The following TDRD12 variants were observed in gnomAD, a reference collection of about 807,000 sequenced individuals.
TDRD12 encodes tudor domain containing 12.
In TDRD12, 158 loss-of-function variants were observed where a neutral mutation model predicts 133.5. The ratio of observed to expected loss-of-function variants is 1.18; its 90% CI spans 1.04 to 1.35. TDRD12 has a LOEUF of 1.35. TDRD12 is among the 40% of genes most tolerant of loss of function. The probability of loss-of-function intolerance (pLI) is 0.00; values close to 1 mark genes in which losing one functional copy is unlikely to be tolerated. For synonymous variants in TDRD12, 460 were observed against 477.9 expected (o/e 0.96, Z 0.49); for missense variants, 1,443 against 1,321.3 (o/e 1.09, Z -1.43).
intron 21 of TDRD12, 33 bp downstream of exon 21, chr19:32,803,175 T>A (rs1375231565): frequency 4.9e-6 from 7 of 1,426,452 alleles, no homozygotes; most frequent in Admixed American, 2.3e-5. Flanking sequence ...ATTAAACTGA[T>A]GTATAACCTG....
intron 11 of TDRD12, among the ~76,000 whole-genome samples, chr19:32,786,631 C>CT (rs1970915172): frequency 1.3e-5 from 2 of 152,128 alleles, no homozygotes; most frequent in East Asian, 1.9e-4. Context: ...TCTTTTTACT[C>CT]TTTTTTCTCT....
chr19:32,758,938 A>G (rs763209680), intron 8 of TDRD12, among the ~76,000 whole-genome samples: 1 of 152,040 alleles, frequency 6.6e-6, no homozygotes, highest in African/African-American at 2.4e-5. Context: ...TGTCTCAGAA[A>G]ACAAAATAAA....
chr19:32,748,473 CAGA>C lies in TDRD12; in HGVS notation c.441-2_441del. 2.6e-6 allele frequency: 4 copies of C among 1,551,476 alleles called. No individual in the cohort carries two copies. The highest frequency in any genetic ancestry group is 3.5e-6 in the Non-Finnish European group (4 of 1,146,822). On this transcript the variant is annotated splice_acceptor_variant and coding_sequence_variant, in exon 5 of 28. Coordinates refer to ENST00000444215, the Ensembl canonical transcript of TDRD12. LOFTEE classifies it high-confidence loss of function. ...ATGGAGTTGCATCTGTTCACTGTTC[CAGA>C]CCTGCCAAGAAGTGGGACAATGCAG...
chr19:32,814,242 G>A (rs1211594509), intron 25 of TDRD12, among the ~76,000 whole-genome samples: 1 of 152,088 alleles, frequency 6.6e-6, no homozygotes, highest in African/African-American at 2.4e-5. Context: ...GGGGAGGGGA[G>A]GACACATGAC....
At chr19:32,798,837 A>AT (rs1435635682) in intron 16 of TDRD12, among the ~76,000 whole-genome samples, 13 of 152,218 alleles carry the variant, frequency 8.5e-5, no homozygotes, top group Admixed American at 5.2e-4. Context: ...TTGTAGATAC[A>AT]TATAGTTAAT....
At chr19:32,827,034 A>T (rs1221752879) in intron 9 of TDRD12, 130 bp from the exon 33 acceptor site, 1 of 450,306 alleles carries the variant, frequency 2.2e-6, no homozygotes, top group African/African-American at 2.0e-5. Context: ...CTTACCTAAA[A>T]TAATGAAAAT....
At chr19:32,739,414 C>G (rs1599841030) in intron 3 of TDRD12, among the ~76,000 whole-genome samples, 1 of 80,466 alleles carries the variant, frequency 1.2e-5, no homozygotes. Flanking sequence ...CTGGGGTTCT[C>G]TCTCTATCAC....
rs181981400 is a variant in TDRD12 at position 32,734,184 on chromosome 19, C to T, written c.183+2301C>T. On this transcript the variant is annotated intron_variant, in intron 2 of 27. Transcript: ENST00000444215. The stretch of plus-strand genomic sequence containing the variant: ...TGCTGGGATTACAGGCGTGAGCCAC[C>T]GCGCCTGGCCTTTTTAAAAATTTTT... Among the ~76,000 whole-genome samples, 472 of 151,764 alleles carry T rather than the reference C, an allele frequency of 3.1e-3. 3 individuals carry two copies. Among genetic ancestry groups the T allele is most frequent in the African/African-American group, 0.011 (435 of 41,424 alleles).
chr19:32,789,879 G>A (rs1352818552), intron 11 of TDRD12, among the ~76,000 whole-genome samples: 5 of 152,124 alleles, frequency 3.3e-5, no homozygotes, highest in Admixed American at 2.0e-4. Context: ...GTGGATGCCT[G>A]TAGTCCCAGC....
chr19:32,810,865 C>G (rs1049848323), intron 23 of TDRD12, among the ~76,000 whole-genome samples: 1 of 151,824 alleles, frequency 6.6e-6, no homozygotes, highest in Admixed American at 6.6e-5. Context: ...GCACTCCAGC[C>G]GGGGCCACAG....
intron 2 of TDRD12, among the ~76,000 whole-genome samples, chr19:32,734,325 G>A (rs554489995): frequency 1.3e-5 from 2 of 151,892 alleles, no homozygotes; most frequent in African/African-American, 4.8e-5. Flanking sequence ...TTTTGGTGTC[G>A]AGAGGGTGGT....
chr19:32,732,080 C>T (rs913576284), intron 2 of TDRD12, among the ~76,000 whole-genome samples, 197 bp downstream of exon 2: 3 of 152,032 alleles, frequency 2.0e-5, no homozygotes, highest in East Asian at 3.9e-4. Context: ...CTGGGCTCAC[C>T]GCAACCTCCG....
chr19:32,802,915 T>C lies in TDRD12; in HGVS notation c.2332-7T>C. ...ATCCACTTCCTTTATTCACCCCCAA[T>C]TTTCAGGGTTCTCCTGCAGAACAGG... On this transcript the variant is annotated splice_region_variant and splice_polypyrimidine_tract_variant and intron_variant, in intron 20 of 27. Coordinates refer to ENST00000444215, the Ensembl canonical transcript of TDRD12. 1 of 1,532,772 alleles carries C rather than the reference T, an allele frequency of 6.5e-7. No homozygotes were observed. Among genetic ancestry groups the C allele is most frequent in the Non-Finnish European group, 8.7e-7 (1 of 1,145,000 alleles). 94.9% of individuals were successfully genotyped at this position (1,532,772 alleles called of 1,614,324 possible). A position where few individuals can be genotyped will look rare whatever the true frequency, so the allele number is the denominator to read the frequency against.
intron 8 of TDRD12, among the ~76,000 whole-genome samples, chr19:32,761,162 G>T (rs935003485): frequency 6.6e-6 from 1 of 152,276 alleles, no homozygotes; most frequent in African/African-American, 2.4e-5. Flanking sequence ...TGTCTCCCAG[G>T]CTGGAGTGCA....
chr19:32,719,976 G>A, exon 1 of TDRD12: 3 of 1,446,280 alleles, frequency 2.1e-6, no homozygotes, highest in African/African-American at 1.4e-5. Context: ...ACGCACTCGC[G>A]GCGGGGGCCT....
Position 32,761,429 on chromosome 19 carries a change from C to T in TDRD12, c.865+4299C>T, listed in dbSNP as rs534934429. On this transcript the variant is annotated intron_variant, in intron 8 of 27. Transcript: ENST00000444215. The stretch of plus-strand genomic sequence containing the variant: ...ACAGGCATGAGCTACTGCGCCTGGC[C>T]GAGAACACATTTCTTTAGTCTTTCC... Among the ~76,000 whole-genome samples the T allele has an allele frequency of 3.9e-5, 6 of 152,246 alleles. No individual in the cohort carries two copies. In the South Asian group the frequency reaches 1.2e-3, roughly 32 times the overall value.
At chr19:32,779,892 T>C (rs1970711444) in intron 11 of TDRD12, among the ~76,000 whole-genome samples, 1 of 152,144 alleles carries the variant, frequency 6.6e-6, no homozygotes. Flanking sequence ...TCATCTCTGA[T>C]ATTTAATGTA....
exon 19 of TDRD12, chr19:32,801,828 G>C (rs1165652092): frequency 1.4e-6 from 2 of 1,465,902 alleles, no homozygotes; most frequent in South Asian, 2.6e-5. Context: ...AAATGTTTTA[G>C]AACAGTGGAA....
At chr19:32,797,833 G>C (rs1333727585) in exon 15 of TDRD12, 30 of 702,326 alleles carry the variant, frequency 4.3e-5, no homozygotes, top group Admixed American at 3.4e-4. Context: ...TTCATCCTGT[G>C]CTATTAACAA....
Sources: allele counts gnomAD v4.1 joint callset (sites outside exome capture counted in the v4.1 genomes callset), GRCh38; gene constraint gnomAD v4.1.1; transcripts MANE v1.5; gene names NCBI Gene and HGNC (gene_info 2026-07-23, HGNC 2026-07-21).